HNF1A: variants seen among roughly 807,000 people sequenced by gnomAD.
HNF1A encodes the protein hepatocyte nuclear factor 1-alpha.
A neutral mutation model predicts 62.2 loss-of-function variants in HNF1A; 21 were observed. The observed-to-expected ratio is 0.34, with a 90% CI of 0.24 to 0.49. The LOEUF is 0.49. HNF1A is among the 20% of genes least tolerant of loss of function. The pLI is 0.99. For missense variants in HNF1A, 687 were observed against 832.3 expected, an observed-to-expected ratio of 0.83 and a Z score of 2.15; for synonymous variants, 374 against 366.8, an observed-to-expected ratio of 1.02 and a Z score of -0.22.
intron 1 of HNF1A, among the ~76,000 whole-genome samples, chr12:120,987,015 C>G (rs1876544411): frequency 1.3e-5 from 2 of 152,144 alleles, no homozygotes; most frequent in Admixed American, 6.5e-5. Flanking sequence ...TCTGTTCCCC[C>G]ACAGGGAGAC....
chr12:120,980,314 A>G (rs975239513), intron 1 of HNF1A, among the ~76,000 whole-genome samples: 8 of 152,046 alleles, frequency 5.3e-5, no homozygotes, highest in African/African-American at 9.6e-5. Context: ...CCGAGCCCCA[A>G]AGATGCTCCA....
At chr12:120,997,222 C>T in intron 6 of HNF1A, 1 of 1,423,792 alleles carries the variant, frequency 7.0e-7, no homozygotes, top group Non-Finnish European at 9.1e-7. Flanking sequence ...CGCAGTTTGA[C>T]AACTTTTGAA....
At position 120,996,503 on chromosome 12, in the gene HNF1A, C is replaced by A. The variant is rs754535687; in HGVS notation, c.1108-38C>A. 2.5e-6 allele frequency: 4 copies of A among 1,612,484 alleles called. No individual in the cohort carries two copies. Among genetic ancestry groups the A allele is most frequent in the South Asian group, 1.1e-5 (1 of 91,042 alleles). ...AGTCCCTAGGGAGGCCCTGTGGGGA[C>A]CCCGGCCCCCCGGACACAGCTTGGC... On this transcript the variant is annotated intron_variant, in intron 5 of 9. Coordinates refer to ENST00000257555, the MANE Select transcript of HNF1A (RefSeq NM_000545.8). The surrounding 1 kb of genome is among the most constrained non-coding windows in gnomAD (Gnocchi z 4.5).
chr12:120,990,653 T>G lies in HNF1A; in HGVS notation c.526+1621T>G, dbSNP rs56172580. ...GGAAAGATAGGAAAGGGAGGAAAGGTAGGAAAGGGAGGAAAGGTAGGAAAG... is the reference window on the plus strand; with the variant it reads ...GGAAAGATAGGAAAGGGAGGAAAGGGAGGAAAGGGAGGAAAGGTAGGAAAG... On this transcript the variant is annotated intron_variant, in intron 2 of 9. Coordinates refer to ENST00000257555, the MANE Select transcript of HNF1A (RefSeq NM_000545.8). Among the ~76,000 whole-genome samples the G allele has an allele frequency of 8.9e-3, 736 of 82,822 alleles. 4 individuals are homozygous for G. Among genetic ancestry groups the G allele is most frequent in the African/African-American group, 0.03 (556 of 18,494 alleles). 54.3% of individuals were successfully genotyped at this position (82,822 alleles called of 152,430 possible). A position where few individuals can be genotyped will look rare whatever the true frequency, so the allele number is the denominator to read the frequency against.
At position 121,001,725 on chromosome 12, in the gene HNF1A, C is replaced by A; in HGVS notation, c.*533C>A. 1.9e-6 allele frequency: 1 copy of A among 523,458 alleles called. No homozygotes were observed. The highest frequency in any genetic ancestry group is 1.6e-5 in the South Asian group (1 of 63,066). The allele number at this position is 523,458 out of a possible 1,614,324, so 32.4% of individuals were successfully genotyped here. On this transcript the variant is annotated 3_prime_UTR_variant, in exon 10 of 10. Coordinates refer to ENST00000257555, the MANE Select transcript of HNF1A (RefSeq NM_000545.8). ...GCTAGTGACCCACATGCCATTTGTA[C>A]TGACCCCATCACCTACTCACACAGG...
intron 6 of HNF1A, chr12:120,997,094 A>G (rs1442683279): frequency 2.8e-6 from 4 of 1,404,678 alleles, no homozygotes; most frequent in Non-Finnish European, 3.7e-6. Context: ...CCTTATTTGC[A>G]GGTACAATTA....
chr12:121,000,327 G>A (rs1323302771), intron 9 of HNF1A, among the ~76,000 whole-genome samples: 1 of 152,128 alleles, frequency 6.6e-6, no homozygotes, highest in Non-Finnish European at 1.5e-5. Context: ...ACCCCATGAG[G>A]CGTGTCCATG....
chr12:120,989,175 A>T, intron 2 of HNF1A, 143 bp downstream of exon 2: 5 of 825,164 alleles, frequency 6.1e-6, no homozygotes, highest in Non-Finnish European at 1.0e-5. Context: ...ACCTGCATTT[A>T]TTACCTATTC....
Position 121,002,389 on chromosome 12 carries a change from C to T in HNF1A, c.*1197C>T, listed in dbSNP as rs1020423529. 3.1e-5 allele frequency: 16 copies of T among 524,184 alleles called. No homozygotes were observed. Among genetic ancestry groups the T allele is most frequent in the African/African-American group, 1.3e-4 (7 of 53,286 alleles). The allele number at this position is 524,184 out of a possible 1,614,324, so 32.5% of individuals were successfully genotyped here. On this transcript the variant is annotated 3_prime_UTR_variant, in exon 10 of 10. Transcript: ENST00000257555. ...TGAGAACCTGGCCTTCAGTGTACCGCGTCTACCCTGGGATTCAGGAAAAGG... is the reference window on the plus strand; with the variant it reads ...TGAGAACCTGGCCTTCAGTGTACCGTGTCTACCCTGGGATTCAGGAAAAGG...
In HNF1A at chr12:120,994,321, C is replaced by A. The variant is rs151256267; in HGVS notation, c.871C>A (p.Pro291Thr). 9.3e-6 allele frequency: 15 copies of A among 1,609,934 alleles called. No individual in the cohort carries two copies. Among genetic ancestry groups the A allele is most frequent in the African/African-American group, 5.3e-5 (4 of 74,882 alleles). Residue 291 changes from proline to threonine, a missense_variant, in exon 4 of 10, where the codon CCA becomes ACA. Pro to Thr is a conservative substitution (Grantham distance 38, BLOSUM62 -1). Around this residue, in one of 5 missense-constraint regions of HNF1A, gnomAD observed 408 missense variants for 455.3 expected, o/e 0.90. Coordinates refer to ENST00000257555, the MANE Select transcript of HNF1A (RefSeq NM_000545.8). ...CATGGACACGTACAGCGGGCCCCCC[C>A]CAGGGCCAGGCCCGGGACCTGCGCT... ...LAMDTYSGPP[P>T]GPGPGPALPA... is the part of the protein sequence containing the mutation.
At chr12:120,990,670 G>GGAAAGGGAGGAAAGA (rs1565884562) in intron 2 of HNF1A, among the ~76,000 whole-genome samples, 3 of 117,790 alleles carry the variant, frequency 2.5e-5, no homozygotes, top group Non-Finnish European at 5.1e-5. Context: ...GGGAGGAAAG[G>GGAAAGGGAGGAAAGA]TAGGAAAGGG....
chr12:120,993,052 A>G (rs1876910852), intron 2 of HNF1A, among the ~76,000 whole-genome samples: 1 of 152,184 alleles, frequency 6.6e-6, no homozygotes, highest in Admixed American at 6.5e-5. Context: ...TAACATTTGC[A>G]TTTTAAGCCT....
At chr12:120,983,258 A>AGAT (rs1378171306) in intron 1 of HNF1A, among the ~76,000 whole-genome samples, 2 of 152,184 alleles carry the variant, frequency 1.3e-5, no homozygotes, top group African/African-American at 4.8e-5. Flanking sequence ...TGCATTGTTA[A>AGAT]GATGATGATG....
intron 9 of HNF1A, among the ~76,000 whole-genome samples, chr12:121,000,183 T>C (rs1258086276): frequency 6.6e-6 from 1 of 151,876 alleles, no homozygotes; most frequent in Non-Finnish European, 1.5e-5. Context: ...TTGTCAGGAG[T>C]GGGCACTTTG....
intron 1 of HNF1A, among the ~76,000 whole-genome samples, chr12:120,986,195 C>A (rs2245407): frequency 0.1 from 15,749 of 152,056 alleles, 1,050 homozygotes; most frequent in African/African-American, 0.19. Context: ...TCCTCTTTTA[C>A]CTCACTTCAA....
intron 1 of HNF1A, among the ~76,000 whole-genome samples, chr12:120,987,788 AT>A (rs1315691203): frequency 6.6e-6 from 1 of 151,850 alleles, no homozygotes; most frequent in Non-Finnish European, 1.5e-5. Context: ...CTATCTATCT[AT>A]CTATCTATCT....
intron 1 of HNF1A, among the ~76,000 whole-genome samples, chr12:120,983,316 T>G (rs1390295738): frequency 6.6e-6 from 1 of 152,186 alleles, no homozygotes; most frequent in Admixed American, 6.5e-5. Context: ...CACCAGGCAT[T>G]GCCCTAAGTT....
At chr12:120,988,749 A>G in intron 1 of HNF1A, 84 bp from the exon 2 acceptor site, 2 of 1,279,264 alleles carry the variant, frequency 1.6e-6, no homozygotes, top group Non-Finnish European at 2.2e-6. Flanking sequence ...CAGGGTTGAC[A>G]AGGTTCCAGC....
chr12:120,998,675 A>G (rs900387644), intron 7 of HNF1A, among the ~76,000 whole-genome samples: 15 of 151,966 alleles, frequency 9.9e-5, no homozygotes, highest in African/African-American at 3.6e-4. Context: ...TGTCTCTTGT[A>G]GGGTCTATGT....
Sources: allele counts gnomAD v4.1 joint callset (sites outside exome capture counted in the v4.1 genomes callset), GRCh38; gene constraint gnomAD v4.1.1; regional missense constraint gnomAD v4.1.1; non-coding constraint Gnocchi (gnomAD v3.1); transcripts MANE v1.5; gene names NCBI Gene and HGNC (gene_info 2026-07-23, HGNC 2026-07-21).